Variants in PHLDB2 observed in about 807,000 individuals in gnomAD.
PHLDB2 encodes pleckstrin homology-like domain family B member 2.
PHLDB2 carries 71 observed loss-of-function variants against 123.6 expected under a neutral mutation model. That is an observed-to-expected ratio of 0.57 (90% CI 0.47 to 0.70). The LOEUF (loss-of-function observed/expected upper bound fraction) is 0.70, where lower values mean the gene tolerates loss of function less well. Among genes scored for constraint, PHLDB2 ranks in the 30% least tolerant of loss-of-function variants. The probability of loss-of-function intolerance (pLI) is 0.00; values close to 1 mark genes in which losing one functional copy is unlikely to be tolerated. For synonymous variants in PHLDB2, 547 were observed against 541.6 expected, an observed-to-expected ratio of 1.01 and a Z score of -0.14; for missense variants, 1,446 against 1,519.5, an observed-to-expected ratio of 0.95 and a Z score of 0.80.
chr3:111,890,040 C>A (rs1038432616), intron 2 of PHLDB2, among the ~76,000 whole-genome samples: 1 of 152,108 alleles, frequency 6.6e-6, no homozygotes, highest in Non-Finnish European at 1.5e-5. Context: ...CCATCAGGCA[C>A]AAAATATATT....
At chr3:111,935,191 C>G (rs1242410716) in intron 6 of PHLDB2, among the ~76,000 whole-genome samples, 2 of 150,030 alleles carry the variant, frequency 1.3e-5, no homozygotes, top group African/African-American at 4.9e-5. Flanking sequence ...GCTCCACCTC[C>G]CAGGTTCACG....
At chr3:111,806,350 G>A (rs562214974) in intron 1 of PHLDB2, among the ~76,000 whole-genome samples, 38 of 151,842 alleles carry the variant, frequency 2.5e-4, no homozygotes, top group African/African-American at 8.7e-4. Flanking sequence ...GCCAACCACC[G>A]AACCAATTCT....
intron 2 of PHLDB2, among the ~76,000 whole-genome samples, chr3:111,850,841 A>G (rs958221734): frequency 3.3e-5 from 5 of 152,232 alleles, no homozygotes; most frequent in African/African-American, 7.2e-5. Flanking sequence ...AATGCTTCAA[A>G]CAACCATTTA....
chr3:111,921,695 G>A (rs949479062), intron 5 of PHLDB2, among the ~76,000 whole-genome samples: 6 of 144,854 alleles, frequency 4.1e-5, no homozygotes, highest in East Asian at 4.2e-4. Flanking sequence ...GCTCCGCCTC[G>A]CAGGTTCAGC....
intron 1 of PHLDB2, among the ~76,000 whole-genome samples, chr3:111,780,412 A>AAGAAGAAGAAGAAGAAGAAG (rs1326616017): frequency 2.6e-5 from 3 of 116,778 alleles, no homozygotes; most frequent in Admixed American, 8.5e-5. Flanking sequence ...AGAAGAAGAA[A>AAGAAGAAGAAGAAGAAGAAG]AAGATTAGTT....
At chr3:111,804,852 T>C (rs1349906177) in intron 1 of PHLDB2, among the ~76,000 whole-genome samples, 2 of 152,204 alleles carry the variant, frequency 1.3e-5, no homozygotes, top group South Asian at 2.1e-4. Context: ...AACTTCAAAA[T>C]TATGTAATAA....
chr3:111,965,438 T>G (rs1472315722), intron 13 of PHLDB2, among the ~76,000 whole-genome samples: 1 of 152,226 alleles, frequency 6.6e-6, no homozygotes, highest in Non-Finnish European at 1.5e-5. Flanking sequence ...AGCCCTAGAT[T>G]TAAACCATCC....
At chr3:111,851,522 C>T (rs112690891) in intron 2 of PHLDB2, among the ~76,000 whole-genome samples, 11 of 152,256 alleles carry the variant, frequency 7.2e-5, no homozygotes, top group East Asian at 1.9e-4. Context: ...CTAATGAATA[C>T]GCAGTTCTCA....
In PHLDB2 at chr3:111,885,531, CAG is replaced by C. The variant is rs2066113950; in HGVS notation, c.1335+120_1335+121del. 4.8e-6 allele frequency: 6 copies of C among 1,255,612 alleles called. No homozygotes were observed. The East Asian group carries it at 1.4e-4, about 29-fold the overall frequency. 77.8% of individuals were successfully genotyped at this position (1,255,612 alleles called of 1,614,324 possible). A position where few individuals can be genotyped will look rare whatever the true frequency, so the allele number is the denominator to read the frequency against. ...ATAGGATATTCATGTTCACTAGCCA[CAG>C]CTGCTATCTTTCTCTTCTCTCCTGC... On this transcript the variant is annotated intron_variant, in intron 2 of 17. Transcript: ENST00000431670.
At chr3:111,974,223 G>A (rs1486298946) in intron 17 of PHLDB2, among the ~76,000 whole-genome samples, 200 bp from the exon 18 acceptor site, 1 of 152,166 alleles carries the variant, frequency 6.6e-6, no homozygotes, top group African/African-American at 2.4e-5. Flanking sequence ...TATGAGTTCT[G>A]TCTGAGATTT....
In PHLDB2 at chr3:111,834,185, T is replaced by A. The variant is rs369983206; in HGVS notation, c.-48-11636T>A. Among the ~76,000 whole-genome samples, 199 of 87,428 alleles carry A rather than the reference T, an allele frequency of 2.3e-3. 4 individuals carry two copies. The highest frequency in any genetic ancestry group is 9.2e-3 in the East Asian group (23 of 2,500). The allele number at this position is 87,428 out of a possible 152,430, so 57.4% of individuals were successfully genotyped here. On this transcript the variant is annotated intron_variant, in intron 1 of 17. Coordinates refer to the PHLDB2 transcript ENST00000393923. ...ATATATGTAATAGAATTATATATAT[T>A]ATATATGTAATAGAATTATATATGT...
At chr3:111,784,986 G>A (rs1292280409) in intron 1 of PHLDB2, among the ~76,000 whole-genome samples, 1 of 151,954 alleles carries the variant, frequency 6.6e-6, no homozygotes, top group Non-Finnish European at 1.5e-5. Flanking sequence ...ATATTTTTGA[G>A]AACAAATTAA....
upstream of PHLDB2, among the ~76,000 whole-genome samples, chr3:111,858,684 G>A (rs1235191052): frequency 6.6e-6 from 1 of 152,166 alleles, no homozygotes; most frequent in Non-Finnish European, 1.5e-5. Flanking sequence ...CTGCACTCCA[G>A]GTGAAGAAAT....
At chr3:111,756,786 C>G (rs2059898101) in intron 1 of PHLDB2, among the ~76,000 whole-genome samples, 1 of 152,178 alleles carries the variant, frequency 6.6e-6, no homozygotes, top group African/African-American at 2.4e-5. Flanking sequence ...GTGGCTGGTA[C>G]CTGTTGTTCC....
chr3:111,913,547 T>A lies in PHLDB2; in HGVS notation c.1564T>A (p.Cys522Ser). 1 of 1,614,150 alleles carries A rather than the reference T, an allele frequency of 6.2e-7. No homozygotes were observed. Residue 522 changes from cysteine to serine, a missense_variant, in exon 3 of 18, where the codon TGT (cysteine) becomes AGT (serine). Physicochemically the swap from Cys to Ser is moderately radical, Grantham distance 112. Coordinates refer to ENST00000431670, the MANE Select transcript of PHLDB2 (RefSeq NM_001134438.2). ...CCTCCCTGATGCAGACTTGGCAAGCTGTGGGAGTCTCAGTCAGAGCAGTGC... is the reference window on the plus strand; with the variant it reads ...CCTCCCTGATGCAGACTTGGCAAGCAGTGGGAGTCTCAGTCAGAGCAGTGC... ...DSLPDADLAS[C>S]GSLSQSSASF...
chr3:111,831,011 A>AAGAAAGAAAG (rs2062984449), intron 1 of PHLDB2, among the ~76,000 whole-genome samples: 3 of 123,792 alleles, frequency 2.4e-5, no homozygotes, highest in Admixed American at 8.2e-5. Context: ...GAAAGAAAGA[A>AAGAAAGAAAG]AGAAAGAAAG....
intron 1 of PHLDB2, among the ~76,000 whole-genome samples, chr3:111,751,451 C>T (rs1485091781): frequency 3.3e-5 from 5 of 152,088 alleles, no homozygotes; most frequent in Admixed American, 3.3e-4. Context: ...AGAAACACAG[C>T]CCGTGAATCT....
At chr3:111,900,614 C>T (rs2067141106) in intron 2 of PHLDB2, among the ~76,000 whole-genome samples, 1 of 151,972 alleles carries the variant, frequency 6.6e-6, no homozygotes. Flanking sequence ...ATAGTAATGT[C>T]AAAGATCACT....
intron 1 of PHLDB2, among the ~76,000 whole-genome samples, chr3:111,742,491 T>A (rs891110090): frequency 6.6e-6 from 1 of 151,886 alleles, no homozygotes; most frequent in African/African-American, 2.4e-5. Context: ...CCCCGGTGTG[T>A]GATGTTCCCC....
Sources: gnomAD v4.1 joint callset for allele counts (sites outside exome capture counted in the v4.1 genomes callset) on GRCh38, gnomAD v4.1.1 for gene constraint, MANE v1.5 for transcripts, NCBI Gene and HGNC (gene_info 2026-07-23, HGNC 2026-07-21) for gene names.